SH3BP4: variants seen among roughly 807,000 people sequenced by gnomAD.
The protein encoded by SH3BP4 is SH3 domain-binding protein 4.
SH3BP4 carries 33 observed loss-of-function variants against 65.5 expected under a neutral mutation model. That is an observed-to-expected ratio of 0.50 (90% confidence interval 0.38 to 0.67). The LOEUF is 0.67. Among genes scored for constraint, SH3BP4 ranks in the 30% least tolerant of loss-of-function variants. The pLI is 0.00. For synonymous variants in SH3BP4, 552 were observed against 545.5 expected (o/e 1.01, Z -0.17); for missense variants, 1,134 against 1,261.4 (o/e 0.90, Z 1.53).
intron 1 of SH3BP4, among the ~76,000 whole-genome samples, chr2:234,965,476 C>G (rs577349350): frequency 5.3e-4 from 81 of 152,360 alleles, no homozygotes; most frequent in Admixed American, 1.7e-3. Context: ...CTAATCCCAT[C>G]TCTTCTGTGA....
chr2:235,035,613 A>C lies in SH3BP4; in HGVS notation c.118+493A>C, dbSNP rs1695353955. The stretch of plus-strand genomic sequence containing the variant: ...AAGCATCCATGAAGTTAAGTCATTA[A>C]ATAGCCAGAGTCGTGTTTCCAAGAC... On this transcript the variant is annotated intron_variant, in intron 3 of 5. Transcript: ENST00000392011. The surrounding 1 kb of genome is among the most constrained non-coding windows in gnomAD (Gnocchi z 5.0). Among the ~76,000 whole-genome samples, 1 of 152,232 alleles carries C rather than the reference A, an allele frequency of 6.6e-6. No homozygotes were observed. Among genetic ancestry groups the C allele is most frequent in the Non-Finnish European group, 1.5e-5 (1 of 68,044 alleles).
chr2:235,035,074 T>G lies in SH3BP4; in HGVS notation c.72T>G (p.Ile24Met), dbSNP rs1243101850. ...LPRCKSEGTL[I>M]DLSEGFSETS... ...GCTGCAAGTCAGAGGGGACCCTGAT[T>G]GACCTGAGCGAAGGGTTTTCAGAGA... Residue 24 changes from isoleucine (I) to methionine (M), a missense_variant, in exon 3 of 6, where the codon ATT becomes ATG. Transcript: ENST00000392011. The surrounding 1 kb of genome is among the most constrained non-coding windows in gnomAD (Gnocchi z 5.0). 8 of 1,613,996 alleles carry G rather than the reference T, an allele frequency of 5.0e-6. No homozygotes were observed. In the African/African-American group the frequency reaches 8.0e-5, roughly 16 times the overall value.
chr2:235,052,873 A>G lies in SH3BP4; in HGVS notation c.2667+123A>G, dbSNP rs1482236039. Reference sequence around the variant, plus strand: ...TTCTGTGAGGGTGCAACAGGTGGAAATGTGCACGCATGTGCCCAGCACTGG... The same window carrying G: ...TTCTGTGAGGGTGCAACAGGTGGAAGTGTGCACGCATGTGCCCAGCACTGG... On this transcript the variant is annotated intron_variant, in intron 5 of 5. Transcript: ENST00000392011. This position sits in a 1 kb window ranked among gnomAD's most constrained non-coding sequence, Gnocchi z 5.0. The G allele has an allele frequency of 1.1e-6, 1 of 900,112 alleles. No homozygotes were observed. Among genetic ancestry groups the G allele is most frequent in the Non-Finnish European group, 1.7e-6 (1 of 603,990 alleles). The allele number at this position is 900,112 out of a possible 1,614,324, so 55.8% of individuals were successfully genotyped here.
intron 2 of SH3BP4, among the ~76,000 whole-genome samples, chr2:235,019,287 A>G (rs568213076): frequency 6.6e-6 from 1 of 152,240 alleles, no homozygotes; most frequent in East Asian, 1.9e-4. Context: ...AGCCGGGAGC[A>G]GGTAATAGAG....
chr2:234,963,339 T>TA (rs1491095579), intron 1 of SH3BP4, among the ~76,000 whole-genome samples: 1 of 152,226 alleles, frequency 6.6e-6, no homozygotes, highest in Non-Finnish European at 1.5e-5. Flanking sequence ...AACTTATAAT[T>TA]ATATTAATTG....
In SH3BP4 at chr2:235,041,631, C is replaced by A; in HGVS notation, c.862C>A (p.Leu288Ile). The change falls in exon 4 of 6, where the codon CTA (leucine) becomes ATA (isoleucine). Residue 288 changes from leucine (L) to isoleucine (I), a missense_variant. Leu to Ile is a conservative substitution (Grantham distance 5). Coordinates refer to ENST00000392011, the MANE Select transcript of SH3BP4 (RefSeq NM_014521.3). The surrounding 1 kb of genome is among the most constrained non-coding windows in gnomAD (Gnocchi z 6.0). ...QSREDFRTAWLNHRKLARSCH... is the reference protein window; with the variant it reads ...QSREDFRTAWINHRKLARSCH... ...CCGGGAGGATTTTCGAACTGCCTGG[C>A]TAAACCACAGGAAGCTGGCCCGGTC... is the stretch of plus-strand genomic sequence containing the variant. 1 of 1,614,020 alleles carries A rather than the reference C, an allele frequency of 6.2e-7. No homozygotes were observed. The highest frequency in any genetic ancestry group is 8.5e-7 in the Non-Finnish European group (1 of 1,180,022).
intron 1 of SH3BP4, among the ~76,000 whole-genome samples, chr2:234,956,459 C>T (rs995765371): frequency 6.6e-6 from 1 of 152,164 alleles, no homozygotes; most frequent in Non-Finnish European, 1.5e-5. Context: ...GCCTGTTAGC[C>T]CAACTCTTCT....
At chr2:235,053,554 C>T in intron 5 of SH3BP4, 38 bp from the exon 6 acceptor site, 1 of 1,498,804 alleles carries the variant, frequency 6.7e-7, no homozygotes, top group Non-Finnish European at 9.3e-7. Flanking sequence ...CTTTCTTCCT[C>T]TCTCCCTCCT....
chr2:234,964,083 G>A (rs1448975624), intron 1 of SH3BP4, among the ~76,000 whole-genome samples: 2 of 152,184 alleles, frequency 1.3e-5, no homozygotes, highest in Non-Finnish European at 2.9e-5. Flanking sequence ...TCTTGGCACC[G>A]CAGTATTTGT....
intron 4 of SH3BP4, among the ~76,000 whole-genome samples, chr2:235,048,810 C>T (rs1448544420): frequency 1.3e-5 from 2 of 152,218 alleles, no homozygotes; most frequent in Non-Finnish European, 2.9e-5. Context: ...TTATAAAGTT[C>T]AGTCACCCTG....
At chr2:235,021,328 A>G (rs547530675) in intron 2 of SH3BP4, among the ~76,000 whole-genome samples, 43 of 152,238 alleles carry the variant, frequency 2.8e-4, no homozygotes, top group Non-Finnish European at 5.6e-4. Flanking sequence ...TTTATTTGGA[A>G]GAGGGCCGGG....
intron 4 of SH3BP4, among the ~76,000 whole-genome samples, chr2:235,051,656 G>T (rs1021621114): frequency 1.8e-4 from 27 of 152,094 alleles, no homozygotes; most frequent in African/African-American, 5.8e-4. Flanking sequence ...TGCATCTCCT[G>T]GTCACCGTGG....
intron 1 of SH3BP4, among the ~76,000 whole-genome samples, chr2:234,980,725 C>A (rs1057242174): frequency 3.3e-5 from 5 of 152,054 alleles, no homozygotes; most frequent in African/African-American, 9.7e-5. Context: ...CAATATTGTC[C>A]GCCTTTTTTT....
intron 2 of SH3BP4, among the ~76,000 whole-genome samples, chr2:235,001,823 T>C (rs1003823093): frequency 6.6e-6 from 1 of 152,230 alleles, no homozygotes; most frequent in African/African-American, 2.4e-5. Context: ...AGAGGAATTA[T>C]GAATTGGCTC....
chr2:235,030,453 G>A lies in SH3BP4; in HGVS notation c.-132-4418G>A. Among the ~76,000 whole-genome samples, 1 of 152,232 alleles carries A rather than the reference G, an allele frequency of 6.6e-6. No individual in the cohort carries two copies. The highest frequency in any genetic ancestry group is 1.5e-5 in the Non-Finnish European group (1 of 68,034). The stretch of plus-strand genomic sequence containing the variant: ...CCTAGGGCCCTTGAGGACGCAGTGG[G>A]ATGGTGCCTGGTGGAGCTATGAGCG... On this transcript the variant is annotated intron_variant, in intron 2 of 5. Transcript: ENST00000392011. The surrounding 1 kb of genome is among the most constrained non-coding windows in gnomAD (Gnocchi z 4.1).
At chr2:235,051,487 C>T (rs1574853756) in intron 4 of SH3BP4, among the ~76,000 whole-genome samples, 1 of 152,228 alleles carries the variant, frequency 6.6e-6, no homozygotes, top group African/African-American at 2.4e-5. Flanking sequence ...ACTGTCCCAG[C>T]AGGGCTGTCT....
intron 2 of SH3BP4, among the ~76,000 whole-genome samples, chr2:235,028,985 G>C (rs775615348): frequency 6.6e-6 from 1 of 152,188 alleles, no homozygotes; most frequent in Non-Finnish European, 1.5e-5. Context: ...GCTGATGAGA[G>C]CCCAGGAGCC....
In SH3BP4 at chr2:235,046,526, C is replaced by G. The variant is rs377187707; in HGVS notation, c.2478+3279C>G. On this transcript the variant is annotated intron_variant, in intron 4 of 5. Transcript: ENST00000392011. This position sits in a 1 kb window ranked among gnomAD's most constrained non-coding sequence, Gnocchi z 4.2. Reference sequence around the variant, plus strand: ...GGTCGAGGCTACACTGAGCTATGATCGCAGCACTGCACTCCAGCCTGGACA... The same window carrying G: ...GGTCGAGGCTACACTGAGCTATGATGGCAGCACTGCACTCCAGCCTGGACA... 2.2e-4 allele frequency among the ~76,000 whole-genome samples: 33 copies of G among 152,022 alleles called. No individual in the cohort carries two copies. The East Asian group carries it at 3.9e-3, about 18-fold the overall frequency.
intron 1 of SH3BP4, among the ~76,000 whole-genome samples, chr2:234,970,159 C>T (rs1310144087): frequency 6.6e-6 from 1 of 152,142 alleles, no homozygotes; most frequent in Non-Finnish European, 1.5e-5. Flanking sequence ...ACTCACACTC[C>T]CCCTTTGTTT....
Sources: allele counts gnomAD v4.1 joint callset (sites outside exome capture counted in the v4.1 genomes callset), GRCh38; gene constraint gnomAD v4.1.1; non-coding constraint Gnocchi (gnomAD v3.1); transcripts MANE v1.5; gene names NCBI Gene and HGNC (gene_info 2026-07-23, HGNC 2026-07-21).